Variants in SLIT3 observed in about 807,000 individuals in gnomAD.
The protein encoded by SLIT3 is slit guidance ligand 3.
SLIT3 carries 68 observed loss-of-function variants against 184.0 expected under a neutral mutation model. That is an observed-to-expected ratio of 0.37 (90% CI 0.30 to 0.45). SLIT3 has a LOEUF of 0.45. Ranked by LOEUF, SLIT3 falls within the 20% of genes least tolerant of loss-of-function variation. The pLI is 1.00. For missense variants in SLIT3, 1,707 were observed against 2,026.0 expected (o/e 0.84, Z 3.02); for synonymous variants, 831 against 828.6 (o/e 1.00, Z -0.05).
At chr5:168,866,730 C>G (rs144146594) in intron 5 of SLIT3, among the ~76,000 whole-genome samples, 2 of 152,298 alleles carry the variant, frequency 1.3e-5, no homozygotes, top group African/African-American at 2.4e-5. Flanking sequence ...AACTACCTAA[C>G]CTTGCTGAGT....
At chr5:169,243,464 A>G (rs947900362) in intron 3 of SLIT3, among the ~76,000 whole-genome samples, 10 of 152,234 alleles carry the variant, frequency 6.6e-5, no homozygotes, top group Non-Finnish European at 1.3e-4. Context: ...CAAGAAATAA[A>G]TGTCATATTT....
chr5:169,037,911 T>A (rs1018792374), intron 4 of SLIT3: 1 of 152,274 alleles, frequency 6.6e-6, no homozygotes, highest in Non-Finnish European at 1.5e-5. Context: ...TTCACGACTG[T>A]GTTTACACTA....
intron 4 of SLIT3, among the ~76,000 whole-genome samples, chr5:169,075,504 A>G (rs1423527670): frequency 2.0e-5 from 3 of 152,184 alleles, no homozygotes; most frequent in Non-Finnish European, 4.4e-5. Flanking sequence ...GTTAAGAAAC[A>G]CTTGCTTCTA....
chr5:169,202,824 A>G (rs1763946178), intron 3 of SLIT3, among the ~76,000 whole-genome samples: 2 of 133,382 alleles, frequency 1.5e-5, no homozygotes, highest in African/African-American at 5.5e-5. Context: ...CACACATACC[A>G]AACAATCTCT....
In SLIT3 at chr5:168,671,257, GC is replaced by G. The variant is rs754147065; in HGVS notation, c.4067del (p.Arg1356ProfsTer98). On this transcript the variant is annotated frameshift_variant, in exon 34 of 36. Coordinates refer to ENST00000519560, the MANE Select transcript of SLIT3 (RefSeq NM_003062.4). LOFTEE classifies it high-confidence loss of function. ...CGCAGAGTGGGCCGGTCCAGCCTGG[GC>G]GGCACTCGCACACCACGCTGTCCTT... The part of the protein sequence containing the change: ...VEKDSVVCEC[R>X]PGWTGPLCDQ... 1 of 1,613,512 alleles carries G rather than the reference GC, an allele frequency of 6.2e-7. No homozygotes were observed. The highest frequency in any genetic ancestry group is 8.5e-7 in the Non-Finnish European group (1 of 1,179,910).
intron 23 of SLIT3, among the ~76,000 whole-genome samples, chr5:168,718,896 G>A (rs1762848792): frequency 6.6e-6 from 1 of 152,142 alleles, no homozygotes; most frequent in South Asian, 2.1e-4. Context: ...ATTTCTGAAA[G>A]TTTAATTAAA....
At chr5:169,250,060 C>G (rs1765720606) in intron 2 of SLIT3, among the ~76,000 whole-genome samples, 1 of 152,252 alleles carries the variant, frequency 6.6e-6, no homozygotes, top group African/African-American at 2.4e-5. Context: ...TGTGAATACA[C>G]AGTGGCACTG....
intron 6 of SLIT3, among the ~76,000 whole-genome samples, chr5:168,838,808 G>T (rs138294397): frequency 3.9e-5 from 6 of 152,112 alleles, no homozygotes; most frequent in African/African-American, 7.2e-5. Context: ...ATCAGGCCAC[G>T]TTGAACCCAC....
intron 4 of SLIT3, among the ~76,000 whole-genome samples, chr5:168,892,463 G>C (rs953785434): frequency 1.3e-5 from 2 of 152,204 alleles, no homozygotes; most frequent in African/African-American, 4.8e-5. Flanking sequence ...TTCAGATGTT[G>C]GAACCAATCT....
At chr5:168,955,848 G>T (rs775651943) in intron 4 of SLIT3, among the ~76,000 whole-genome samples, 25 of 152,140 alleles carry the variant, frequency 1.6e-4, no homozygotes, top group Admixed American at 2.0e-4. Context: ...ACATGTGATG[G>T]AATCTCCCTT....
chr5:169,035,519 G>A (rs1757207483), intron 4 of SLIT3, among the ~76,000 whole-genome samples: 1 of 151,792 alleles, frequency 6.6e-6, no homozygotes, highest in Admixed American at 6.6e-5. Context: ...CGTGGTGGCG[G>A]GCACCTGTAG....
chr5:168,731,188 A>G (rs1210959009), intron 20 of SLIT3, among the ~76,000 whole-genome samples: 2 of 152,028 alleles, frequency 1.3e-5, no homozygotes, highest in East Asian at 3.8e-4. Flanking sequence ...TCTAGAGCAA[A>G]TGGATAAATT....
intron 1 of SLIT3, among the ~76,000 whole-genome samples, chr5:169,297,724 A>T (rs1419001530): frequency 1.3e-5 from 2 of 152,194 alleles, no homozygotes; most frequent in Non-Finnish European, 2.9e-5. Flanking sequence ...TTTTGCTTAC[A>T]TTCTTTACAT....
At chr5:168,907,778 ATC>A (rs1761101709) in intron 4 of SLIT3, among the ~76,000 whole-genome samples, 1 of 151,628 alleles carries the variant, frequency 6.6e-6, no homozygotes. Context: ...TGGATAAATT[ATC>A]TGTTTATACA....
At chr5:169,019,135 T>C (rs1756503737) in intron 4 of SLIT3, among the ~76,000 whole-genome samples, 1 of 152,252 alleles carries the variant, frequency 6.6e-6, no homozygotes, top group Non-Finnish European at 1.5e-5. Flanking sequence ...GGAAGTGACA[T>C]GGCACTCAGA....
chr5:168,794,940 C>A (rs561146792), intron 10 of SLIT3, among the ~76,000 whole-genome samples: 1 of 152,316 alleles, frequency 6.6e-6, no homozygotes, highest in East Asian at 1.9e-4. Flanking sequence ...CTCCCACCAT[C>A]ACTGATACTC....
At chr5:169,010,360 A>C (rs1386271534) in intron 4 of SLIT3, among the ~76,000 whole-genome samples, 3 of 152,206 alleles carry the variant, frequency 2.0e-5, no homozygotes, top group African/African-American at 7.2e-5. Context: ...ACTATGGCCC[A>C]GACTGAGGGT....
chr5:169,187,237 T>A (rs1202170206), intron 4 of SLIT3, among the ~76,000 whole-genome samples: 1 of 149,162 alleles, frequency 6.7e-6, no homozygotes, highest in Non-Finnish European at 1.5e-5. Flanking sequence ...CCTCAGCCTC[T>A]GAGTAGCTGG....
At chr5:169,078,740 G>C (rs946237025) in intron 4 of SLIT3, among the ~76,000 whole-genome samples, 1 of 152,184 alleles carries the variant, frequency 6.6e-6, no homozygotes, top group Non-Finnish European at 1.5e-5. Context: ...ACTCAGTGTG[G>C]TAGGTGATAT....
Sources: allele counts gnomAD v4.1 joint callset (sites outside exome capture counted in the v4.1 genomes callset), GRCh38; gene constraint gnomAD v4.1.1; transcripts MANE v1.5; gene names NCBI Gene and HGNC (gene_info 2026-07-23, HGNC 2026-07-21).